Variants in TBPL1 observed in about 807,000 individuals in gnomAD.
The protein encoded by TBPL1 is TATA-box binding protein like 1.
In TBPL1, 4 loss-of-function variants were observed where a neutral mutation model predicts 22.1. The observed-to-expected ratio is 0.18, with a 90% confidence interval of 0.09 to 0.41. The LOEUF (loss-of-function observed/expected upper bound fraction) is 0.41. TBPL1 is among the 10% of genes least tolerant of loss of function. The pLI is 1.00. For missense variants in TBPL1, 115 were observed against 222.3 expected, an observed-to-expected ratio of 0.52 and a Z score of 3.07; for synonymous variants, 64 against 71.0, an observed-to-expected ratio of 0.90 and a Z score of 0.50.
At chr6:133,986,513 C>A (rs1776527505) in intron 6 of TBPL1, among the ~76,000 whole-genome samples, 1 of 152,054 alleles carries the variant, frequency 6.6e-6, no homozygotes, top group Non-Finnish European at 1.5e-5. Flanking sequence ...TTTAAACCAG[C>A]ATTCTGGTTT....
At chr6:133,976,384 T>C (rs2114368663) in intron 1 of TBPL1, among the ~76,000 whole-genome samples, 1 of 152,344 alleles carries the variant, frequency 6.6e-6, no homozygotes, top group African/African-American at 2.4e-5. Context: ...TAAAAGAGTC[T>C]TTCACCTCAA....
rs1437035993 is a variant in TBPL1 at position 133,953,238 on chromosome 6, A to G, written c.-232A>G. On this transcript the variant is annotated 5_prime_UTR_variant, in exon 1 of 7. Coordinates refer to ENST00000237264, the MANE Select transcript of TBPL1 (RefSeq NM_004865.4). ...GCTGCGGCCGCCTCGCACCCGGAAC[A>G]ACAAAGCAAGGAAGACGGAGTCCGA... is the stretch of plus-strand genomic sequence containing the variant. 1 of 152,874 alleles carries G rather than the reference A, an allele frequency of 6.5e-6. No homozygotes were observed. The allele number at this position is 152,874 out of a possible 1,614,324, so 9.5% of individuals were successfully genotyped here.
intron 6 of TBPL1, among the ~76,000 whole-genome samples, chr6:133,986,755 A>G (rs189364652): frequency 6.6e-6 from 1 of 152,302 alleles, no homozygotes; most frequent in Admixed American, 6.5e-5. Flanking sequence ...TTTGTGTTTC[A>G]TATGTCCTTT....
At chr6:133,975,364 G>T (rs1776295835) in intron 1 of TBPL1, among the ~76,000 whole-genome samples, 1 of 151,360 alleles carries the variant, frequency 6.6e-6, no homozygotes, top group South Asian at 2.1e-4. Context: ...ACAGAGACAT[G>T]AATTATTTTA....
chr6:133,962,585 C>T (rs535865272), intron 1 of TBPL1, among the ~76,000 whole-genome samples: 34 of 152,110 alleles, frequency 2.2e-4, no homozygotes, highest in Admixed American at 9.8e-4. Flanking sequence ...TTGTATGTGT[C>T]GATTTTAATA....
In TBPL1 at chr6:133,974,491, G is replaced by A. The variant is rs145920281; in HGVS notation, c.-44-5591G>A. On this transcript the variant is annotated intron_variant, in intron 1 of 6. Transcript: ENST00000237264. ...TGGGATTACAGGCGTGCACCACCAC[G>A]CCCGGCTGATTTTTGTATTTTTAGA... Among the ~76,000 whole-genome samples the A allele has an allele frequency of 5.2e-3, 787 of 152,214 alleles. 6 individuals are homozygous for A. Among genetic ancestry groups the A allele is most frequent in the African/African-American group, 0.018 (730 of 41,534 alleles).
intron 1 of TBPL1, among the ~76,000 whole-genome samples, chr6:133,972,776 C>T (rs9373074): frequency 1.3e-5 from 2 of 152,174 alleles, no homozygotes; most frequent in Non-Finnish European, 2.9e-5. Context: ...TAATATTCAA[C>T]TATTGGTGAA....
chr6:133,954,582 GGTGA>G (rs776153273), intron 1 of TBPL1, among the ~76,000 whole-genome samples: 39 of 152,178 alleles, frequency 2.6e-4, no homozygotes, highest in Non-Finnish European at 4.4e-4. Context: ...AATCATTTTG[GGTGA>G]GTAAATGAGG....
intron 1 of TBPL1, 90 bp from the exon 2 acceptor site, chr6:133,979,992 A>T (rs1359625896): frequency 1.0e-6 from 1 of 982,628 alleles, no homozygotes; most frequent in African/African-American, 1.7e-5. Flanking sequence ...TAAATAATAT[A>T]GATTCATTTT....
At chr6:133,978,473 G>T (rs2114374153) in intron 1 of TBPL1, among the ~76,000 whole-genome samples, 1 of 152,262 alleles carries the variant, frequency 6.6e-6, no homozygotes, top group African/African-American at 2.4e-5. Flanking sequence ...AAGACCAATG[G>T]TAATAAACTG....
chr6:133,972,123 TG>T (rs1228543252), intron 1 of TBPL1, among the ~76,000 whole-genome samples: 10 of 152,214 alleles, frequency 6.6e-5, no homozygotes, highest in African/African-American at 2.4e-4. Flanking sequence ...TCAATGTATT[TG>T]TTACTGAGTT....
chr6:133,955,312 C>CT (rs1017137315), intron 1 of TBPL1, among the ~76,000 whole-genome samples: 1 of 150,914 alleles, frequency 6.6e-6, no homozygotes, highest in East Asian at 1.9e-4. Flanking sequence ...AATGCAGTGT[C>CT]TGCTTTCCCT....
At chr6:133,963,430 TTTTTA>T (rs1342270466) in intron 1 of TBPL1, among the ~76,000 whole-genome samples, 1 of 152,152 alleles carries the variant, frequency 6.6e-6, no homozygotes, top group East Asian at 1.9e-4. Context: ...TCTTTTGGTC[TTTTTA>T]TTTGTTTAAG....
chr6:133,967,899 A>G (rs554799554), intron 1 of TBPL1, among the ~76,000 whole-genome samples: 5 of 152,314 alleles, frequency 3.3e-5, no homozygotes, highest in Admixed American at 1.3e-4. Flanking sequence ...TGCGATCCCA[A>G]TCTTGTTTCA....
chr6:133,958,982 C>A (rs1030656383), intron 1 of TBPL1, among the ~76,000 whole-genome samples: 4 of 152,012 alleles, frequency 2.6e-5, no homozygotes, highest in Admixed American at 1.3e-4. Context: ...GACTGTTGCA[C>A]CAAATAGATA....
At chr6:133,976,935 T>A (rs922902419) in intron 1 of TBPL1, among the ~76,000 whole-genome samples, 1 of 142,546 alleles carries the variant, frequency 7.0e-6, no homozygotes, top group Non-Finnish European at 1.5e-5. Flanking sequence ...GTCACAGCCC[T>A]CCAGCCTGGG....
chr6:133,966,002 A>G (rs749825066), intron 1 of TBPL1, among the ~76,000 whole-genome samples: 1 of 152,204 alleles, frequency 6.6e-6, no homozygotes, highest in African/African-American at 2.4e-5. Context: ...CCACAGTCAT[A>G]TGGCTAATAA....
intron 1 of TBPL1, among the ~76,000 whole-genome samples, chr6:133,973,228 T>G (rs762646751): frequency 6.6e-6 from 1 of 152,214 alleles, no homozygotes; most frequent in African/African-American, 2.4e-5. Flanking sequence ...GAGCTATCTC[T>G]AGGAGACCAT....
At chr6:133,970,032 C>A (rs1562660176) in intron 1 of TBPL1, among the ~76,000 whole-genome samples, 1 of 152,194 alleles carries the variant, frequency 6.6e-6, no homozygotes, top group Non-Finnish European at 1.5e-5. Flanking sequence ...CCACTCCTAA[C>A]TGTTGGTTAA....
Sources: gnomAD v4.1 joint callset for allele counts (sites outside exome capture counted in the v4.1 genomes callset) on GRCh38, gnomAD v4.1.1 for gene constraint, MANE v1.5 for transcripts, NCBI Gene and HGNC (gene_info 2026-07-23, HGNC 2026-07-21) for gene names.